The following PCDH17 variants were observed in gnomAD, a reference collection of about 807,000 sequenced individuals.
The protein encoded by PCDH17 is protocadherin 17.
In PCDH17, 21 loss-of-function variants were observed where a neutral mutation model predicts 67.7. That is an observed-to-expected ratio of 0.31 (90% CI 0.22 to 0.45). The LOEUF (loss-of-function observed/expected upper bound fraction) is 0.45, where lower values mean the gene tolerates loss of function less well. Among genes scored for constraint, PCDH17 ranks in the 20% least tolerant of loss-of-function variants. PCDH17 has a pLI of 1.00. For synonymous variants in PCDH17, 701 were observed against 656.7 expected, an observed-to-expected ratio of 1.07 and a Z score of -1.03; for missense variants, 1,471 against 1,564.8, an observed-to-expected ratio of 0.94 and a Z score of 1.01.
chr13:57,680,107 T>C (rs1191434042), intron 3 of PCDH17, among the ~76,000 whole-genome samples: 1 of 151,086 alleles, frequency 6.6e-6, no homozygotes, highest in Non-Finnish European at 1.5e-5. Context: ...TATTGATCTA[T>C]CTGTAATTCC....
intron 3 of PCDH17, among the ~76,000 whole-genome samples, chr13:57,669,753 A>G (rs541391413): frequency 1.1e-3 from 162 of 152,218 alleles, no homozygotes; most frequent in African/African-American, 3.7e-3. Flanking sequence ...AGGTCTGGAT[A>G]TGGCTCTAAC....
intron 3 of PCDH17, among the ~76,000 whole-genome samples, chr13:57,719,804 A>G (rs9597594): frequency 6.6e-6 from 1 of 151,996 alleles, no homozygotes. Context: ...AGAATCCACA[A>G]GTGTTTTTCC....
intron 3 of PCDH17, among the ~76,000 whole-genome samples, chr13:57,707,709 G>T (rs1394238841): frequency 6.6e-6 from 1 of 151,980 alleles, no homozygotes; most frequent in African/African-American, 2.4e-5. Flanking sequence ...CAACATCAAG[G>T]TATAAGGAGG....
chr13:57,662,628 C>T (rs1325772763), intron 1 of PCDH17, among the ~76,000 whole-genome samples: 1 of 152,136 alleles, frequency 6.6e-6, no homozygotes, highest in Non-Finnish European at 1.5e-5. Context: ...TCACTACATG[C>T]TTTCTTTTGA....
At chr13:57,635,255 CTG>C (rs1332185346) in intron 1 of PCDH17, 144 bp downstream of exon 1, 5 of 750,016 alleles carry the variant, frequency 6.7e-6, no homozygotes, top group Middle Eastern at 3.4e-4. Flanking sequence ...ACTTTTGACA[CTG>C]TGTATACATC....
intron 1 of PCDH17, among the ~76,000 whole-genome samples, chr13:57,659,808 T>G (rs1223444596): frequency 6.6e-6 from 1 of 152,210 alleles, no homozygotes; most frequent in East Asian, 1.9e-4. Flanking sequence ...GATCTAGCCA[T>G]GTTTCTTTCC....
chr13:57,642,035 A>G (rs1237771883), intron 1 of PCDH17, among the ~76,000 whole-genome samples: 1 of 151,634 alleles, frequency 6.6e-6, no homozygotes, highest in Non-Finnish European at 1.5e-5. Flanking sequence ...ATGTTTAACG[A>G]TCTGTATTAT....
intron 1 of PCDH17, among the ~76,000 whole-genome samples, chr13:57,641,072 G>T (rs530282227): frequency 7.9e-4 from 120 of 151,876 alleles, no homozygotes; most frequent in Non-Finnish European, 1.5e-3. Context: ...ATAGCATAAA[G>T]TTCCTTTTGC....
chr13:57,657,592 T>C (rs962574627), intron 1 of PCDH17, among the ~76,000 whole-genome samples: 1 of 152,186 alleles, frequency 6.6e-6, no homozygotes, highest in Non-Finnish European at 1.5e-5. Context: ...TAAAGTGAAT[T>C]ATTCACCTCT....
In PCDH17 at chr13:57,724,844, T is replaced by A. The variant is rs553498788; in HGVS notation, c.3030T>A (p.Ile1010=). The change falls in exon 4 of 4, where the codon ATT becomes ATA. Residue 1010 remains isoleucine (I), a synonymous_variant. Transcript: ENST00000377918. ...GAAAAGACAAGCGAGAGCACACTAT[T>A]CTCATTGCCAACGTTAAACCTTATT... is the stretch of plus-strand genomic sequence containing the variant. ...TFGKDKREHT[I]LIANVKPYLK... 79 of 1,614,158 alleles carry A rather than the reference T, an allele frequency of 4.9e-5. No individual in the cohort carries two copies. In the South Asian group the frequency reaches 7.9e-4, roughly 16 times the overall value.
chr13:57,679,869 A>G (rs1447746783), intron 3 of PCDH17, among the ~76,000 whole-genome samples: 1 of 151,506 alleles, frequency 6.6e-6, no homozygotes, highest in African/African-American at 2.4e-5. Context: ...TTAGAAAACA[A>G]TAGACAATAG....
intron 3 of PCDH17, among the ~76,000 whole-genome samples, chr13:57,701,348 A>G (rs963202944): frequency 3.3e-5 from 5 of 152,128 alleles, no homozygotes; most frequent in Non-Finnish European, 7.4e-5. Flanking sequence ...CGTGTACGGT[A>G]GATATGAGAT....
At chr13:57,654,567 T>C (rs1955081515) in intron 1 of PCDH17, among the ~76,000 whole-genome samples, 1 of 152,080 alleles carries the variant, frequency 6.6e-6, no homozygotes, top group Non-Finnish European at 1.5e-5. Context: ...CTTGTTTCAC[T>C]AGAGGAGAAA....
intron 3 of PCDH17, among the ~76,000 whole-genome samples, chr13:57,682,512 A>G (rs1273007596): frequency 6.6e-6 from 1 of 151,802 alleles, no homozygotes; most frequent in Middle Eastern, 3.2e-3. Context: ...CTTGGCCAAC[A>G]AATCCTCTCT....
intron 3 of PCDH17, among the ~76,000 whole-genome samples, chr13:57,678,990 G>A (rs1480262312): frequency 6.6e-6 from 1 of 151,448 alleles, no homozygotes; most frequent in Non-Finnish European, 1.5e-5. Flanking sequence ...ACTGGATTCT[G>A]TGACAGTATC....
intron 1 of PCDH17, among the ~76,000 whole-genome samples, chr13:57,662,828 T>C (rs1286113637): frequency 2.0e-5 from 3 of 152,152 alleles, no homozygotes; most frequent in Non-Finnish European, 4.4e-5. Flanking sequence ...AATCAGAGAA[T>C]TCATATTCTG....
At chr13:57,696,403 A>G (rs1158832076) in intron 3 of PCDH17, among the ~76,000 whole-genome samples, 1 of 151,396 alleles carries the variant, frequency 6.6e-6, no homozygotes, top group Non-Finnish European at 1.5e-5. Flanking sequence ...TTTATTCCCA[A>G]TATTTTAAGA....
chr13:57,684,151 A>T (rs377374037), intron 3 of PCDH17, among the ~76,000 whole-genome samples: 1 of 151,952 alleles, frequency 6.6e-6, no homozygotes, highest in Admixed American at 6.6e-5. Flanking sequence ...AAACAACACT[A>T]TGTTTCTGCT....
intron 3 of PCDH17, among the ~76,000 whole-genome samples, chr13:57,715,834 A>G (rs772528294): frequency 8.4e-4 from 127 of 152,076 alleles, no homozygotes; most frequent in Middle Eastern, 3.4e-3. Flanking sequence ...ACCATATGAA[A>G]TGTTATGTTT....
Sources: allele counts gnomAD v4.1 joint callset (sites outside exome capture counted in the v4.1 genomes callset), GRCh38; gene constraint gnomAD v4.1.1; transcripts MANE v1.5; gene names NCBI Gene and HGNC (gene_info 2026-07-23, HGNC 2026-07-21).